The following TBC1D13 variants were observed in gnomAD, a reference collection of about 807,000 sequenced individuals.
TBC1D13 encodes epididymis secretory sperm binding protein.
A neutral mutation model predicts 53.6 loss-of-function variants in TBC1D13; 40 were observed. The ratio of observed to expected loss-of-function variants is 0.75; its 90% CI spans 0.58 to 0.97. TBC1D13 has a LOEUF of 0.97. Among genes scored for constraint, TBC1D13 ranks in the 50% least tolerant of loss-of-function variants. The pLI is 0.00. For missense variants in TBC1D13, 377 were observed against 499.4 expected (o/e 0.75, Z 2.34); for synonymous variants, 182 against 197.7 (o/e 0.92, Z 0.67).
rs570976897 is a variant in TBC1D13 at position 128,796,922 on chromosome 9, C to T, written c.384-133C>T. The T allele has an allele frequency of 2.1e-5, 21 of 977,358 alleles. No homozygotes were observed. The South Asian group carries it at 2.3e-4, about 11-fold the overall frequency. 60.5% of individuals were successfully genotyped at this position (977,358 alleles called of 1,614,324 possible). A position where few individuals can be genotyped will look rare whatever the true frequency, so the allele number is the denominator to read the frequency against. ...CTGCACTTCAGCCTGGGCGACAGTG[C>T]AAGACTCCATCTCAAAAACAAAAAC... On this transcript the variant is annotated intron_variant, in intron 6 of 11. Transcript: ENST00000372648.
At chr9:128,796,188 A>G (rs1448325767) in intron 6 of TBC1D13, among the ~76,000 whole-genome samples, 1 of 152,036 alleles carries the variant, frequency 6.6e-6, no homozygotes. Context: ...CCCAGGCTCA[A>G]GCAATTCCTG....
intron 9 of TBC1D13, among the ~76,000 whole-genome samples, chr9:128,805,006 G>C (rs926448969): frequency 6.6e-6 from 1 of 152,132 alleles, no homozygotes; most frequent in Non-Finnish European, 1.5e-5. Flanking sequence ...TGGGATTACA[G>C]GCATGAGCCA....
At position 128,804,035 on chromosome 9, in the gene TBC1D13, T is replaced by C. The variant is rs768455092; in HGVS notation, c.834T>C (p.Asp278=). 5 of 1,614,100 alleles carry C rather than the reference T, an allele frequency of 3.1e-6. No homozygotes were observed. Among genetic ancestry groups the C allele is most frequent in the Middle Eastern group, 3.3e-4 (2 of 5,998 alleles). ...EIRDNFIKSL[D]DSQCGITYKM... is the part of the protein sequence containing the mutation. ...GGGACAACTTTATCAAGAGCCTGGA[T>C]GACTCGCAGTGTGGCATCACCTACA... Residue 278 remains aspartate (D), a synonymous_variant, in exon 9 of 12, where the codon GAT becomes GAC. Coordinates refer to ENST00000372648, the MANE Select transcript of TBC1D13 (RefSeq NM_018201.5).
rs760946657 is a variant in TBC1D13 at position 128,792,587 on chromosome 9, C to A, written c.383+13C>A. 2 of 1,612,878 alleles carry A rather than the reference C, an allele frequency of 1.2e-6. No homozygotes were observed. Among genetic ancestry groups the A allele is most frequent in the Non-Finnish European group, 8.5e-7 (1 of 1,179,334 alleles). ...ACAAAGATGTCCGGTAGGCAGGGTG[C>A]CTGGGGCCGGGAGCTGGCCCATGGG... is the stretch of plus-strand genomic sequence containing the variant. On this transcript the variant is annotated intron_variant, in intron 6 of 11. Coordinates refer to ENST00000372648, the MANE Select transcript of TBC1D13 (RefSeq NM_018201.5).
chr9:128,806,442 T>A, intron 11 of TBC1D13, 131 bp downstream of exon 11: 1 of 1,021,156 alleles, frequency 9.8e-7, no homozygotes, highest in Non-Finnish European at 1.5e-6. Flanking sequence ...TCCAGACCCC[T>A]GAGCAGATCT....
chr9:128,807,257 T>G (rs1034890558), intron 11 of TBC1D13, among the ~76,000 whole-genome samples: 3 of 152,002 alleles, frequency 2.0e-5, no homozygotes, highest in Non-Finnish European at 2.9e-5. Context: ...TGGCTAATTT[T>G]TGTACCTTTA....
In TBC1D13 at chr9:128,800,165, A is replaced by T. The variant is rs1186308197; in HGVS notation, c.543+2951A>T. Reference sequence around the variant, plus strand: ...GTCTCCAGGACCCTATGCTTCCAGGATGGCTTCATCCACTGTCACTGCCTG... The same window carrying T: ...GTCTCCAGGACCCTATGCTTCCAGGTTGGCTTCATCCACTGTCACTGCCTG... On this transcript the variant is annotated intron_variant, in intron 7 of 11. Coordinates refer to ENST00000372648, the MANE Select transcript of TBC1D13 (RefSeq NM_018201.5). Among the ~76,000 whole-genome samples the T allele has an allele frequency of 3.3e-5, 5 of 152,120 alleles. No homozygotes were observed. In the East Asian group the frequency reaches 9.6e-4, roughly 29 times the overall value.
intron 1 of TBC1D13, among the ~76,000 whole-genome samples, chr9:128,787,987 CG>C (rs1829460686): frequency 1.3e-5 from 2 of 152,102 alleles, no homozygotes; most frequent in African/African-American, 4.8e-5. Flanking sequence ...TGCGTGGACC[CG>C]GCCTGGCCGG....
intron 7 of TBC1D13, among the ~76,000 whole-genome samples, chr9:128,801,407 C>T (rs1389494590): frequency 1.3e-5 from 2 of 151,850 alleles, no homozygotes; most frequent in Admixed American, 6.6e-5. Flanking sequence ...AGCCTGGACG[C>T]GGTGGCTCAT....
At chr9:128,792,420 G>T in intron 5 of TBC1D13, 72 bp from the exon 6 acceptor site, 1 of 1,409,206 alleles carries the variant, frequency 7.1e-7, no homozygotes, top group Non-Finnish European at 1.0e-6. Flanking sequence ...CCACTGCTCA[G>T]GTTTCCGGGA....
intron 1 of TBC1D13, among the ~76,000 whole-genome samples, chr9:128,787,881 G>T (rs913663114): frequency 6.6e-6 from 1 of 152,090 alleles, no homozygotes; most frequent in African/African-American, 2.4e-5. Flanking sequence ...GGCAGGCCCA[G>T]AGGTCTTGTA....
At chr9:128,788,999 G>A (rs1829480125) in intron 2 of TBC1D13, among the ~76,000 whole-genome samples, 1 of 152,148 alleles carries the variant, frequency 6.6e-6, no homozygotes, top group African/African-American at 2.4e-5. Flanking sequence ...ATAGCTTCTT[G>A]TCACTTTTTT....
Position 128,803,445 on chromosome 9 carries a change from A to G in TBC1D13, c.739A>G (p.Asn247Asp). ...CTACTACACCTTTGCCACCGACCCCAATAGTGAGTGGAAAGGTAAGAAGGC... is the reference window on the plus strand; with the variant it reads ...CTACTACACCTTTGCCACCGACCCCGATAGTGAGTGGAAAGGTAAGAAGGC... ...PLYYTFATDP[N>D]SEWKEHAEAD... The change falls in exon 8 of 12, where the codon AAT becomes GAT. Residue 247 changes from asparagine (N) to aspartate (D), a missense_variant. By Grantham distance (23) the Asn-to-Asp change is conservative (BLOSUM62 1). Transcript: ENST00000372648. The G allele has an allele frequency of 6.2e-7, 1 of 1,614,090 alleles. No homozygotes were observed. Among genetic ancestry groups the G allele is most frequent in the Non-Finnish European group, 8.5e-7 (1 of 1,180,020 alleles).
intron 3 of TBC1D13, among the ~76,000 whole-genome samples, 174 bp downstream of exon 3, chr9:128,790,949 C>T (rs938212409): frequency 1.6e-4 from 24 of 152,224 alleles, no homozygotes; most frequent in African/African-American, 5.8e-4. Context: ...TCTCTGGGAT[C>T]CCCTTGGGGA....
chr9:128,798,117 G>T (rs1047720608), intron 7 of TBC1D13, among the ~76,000 whole-genome samples: 14 of 152,016 alleles, frequency 9.2e-5, no homozygotes, highest in Non-Finnish European at 1.8e-4. Flanking sequence ...GCTGGGCATG[G>T]TGGCAGGTGC....
intron 8 of TBC1D13, 35 bp downstream of exon 8, chr9:128,803,495 C>T (rs1480002298): frequency 6.2e-7 from 1 of 1,600,480 alleles, no homozygotes; most frequent in Non-Finnish European, 8.6e-7. Context: ...TCCCTCGTTG[C>T]TGGCCCGTGT....
At chr9:128,794,178 G>A (rs1829584234) in intron 6 of TBC1D13, among the ~76,000 whole-genome samples, 1 of 152,202 alleles carries the variant, frequency 6.6e-6, no homozygotes, top group South Asian at 2.1e-4. Context: ...GCACATGAGA[G>A]TGCCCTGTGG....
At chr9:128,802,647 A>T (rs10988121) in intron 7 of TBC1D13, among the ~76,000 whole-genome samples, 56,647 of 151,932 alleles carry the variant, frequency 0.37, 13,982 homozygotes, top group African/African-American at 0.71. Flanking sequence ...CCTCTGTGCC[A>T]GTGTATGTCC....
At chr9:128,793,582 G>A (rs906450916) in intron 6 of TBC1D13, among the ~76,000 whole-genome samples, 5 of 152,184 alleles carry the variant, frequency 3.3e-5, no homozygotes, top group Non-Finnish European at 5.9e-5. Context: ...GAGTAAGGTG[G>A]TTCAGGCTAA....
Sources: allele counts gnomAD v4.1 joint callset (sites outside exome capture counted in the v4.1 genomes callset), GRCh38; gene constraint gnomAD v4.1.1; transcripts MANE v1.5; gene names NCBI Gene and HGNC (gene_info 2026-07-23, HGNC 2026-07-21).